The following MAF variants were observed in gnomAD, a reference collection of about 807,000 sequenced individuals.
MAF encodes MAF bZIP transcription factor, also known as transcription factor Maf.
MAF carries 10 observed loss-of-function variants against 22.0 expected under a neutral mutation model. That is an observed-to-expected ratio of 0.45 (90% CI 0.28 to 0.77). The LOEUF (loss-of-function observed/expected upper bound fraction) is 0.77. Among genes scored for constraint, MAF ranks in the 30% least tolerant of loss-of-function variants. The pLI, the probability that MAF is intolerant of heterozygous loss-of-function variation, is 0.12. For synonymous variants in MAF, 337 were observed against 255.8 expected (o/e 1.32, Z -3.03); for missense variants, 544 against 548.4 (o/e 0.99, Z 0.08).
the MAF span, among the ~76,000 whole-genome samples, chr16:79,227,895 G>C: frequency 6.6e-6 from 1 of 152,002 alleles, no homozygotes; most frequent in Non-Finnish European, 1.5e-5. Flanking sequence ...TGGAATCTGA[G>C]AATAATACCT....
the MAF span, among the ~76,000 whole-genome samples, chr16:79,544,394 G>C: frequency 1.3e-5 from 2 of 152,268 alleles, no homozygotes; most frequent in Admixed American, 1.3e-4. Flanking sequence ...TTACTGGACA[G>C]CACTGATGTA....
At chr16:79,224,580 A>G in the MAF span, among the ~76,000 whole-genome samples, 4 of 152,186 alleles carry the variant, frequency 2.6e-5, no homozygotes, top group African/African-American at 7.2e-5. Context: ...GTCTCTGTTT[A>G]CAGATGACAT....
At chr16:79,482,454 G>A in the MAF span, among the ~76,000 whole-genome samples, 8 of 152,280 alleles carry the variant, frequency 5.3e-5, 1 homozygote, top group African/African-American at 1.9e-4. Flanking sequence ...TGAGCTGGCT[G>A]CTGGATGCCA....
the MAF span, among the ~76,000 whole-genome samples, chr16:79,577,027 G>T: frequency 4.6e-5 from 7 of 151,936 alleles, no homozygotes; most frequent in African/African-American, 1.7e-4. Flanking sequence ...CACATTACAG[G>T]GTATTAACGA....
the MAF span, among the ~76,000 whole-genome samples, chr16:79,307,536 T>C: frequency 4.6e-5 from 7 of 152,340 alleles, no homozygotes; most frequent in East Asian, 3.9e-4. Context: ...TCCAATCACA[T>C]GCCCCCGACA....
chr16:79,251,632 A>G, the MAF span, among the ~76,000 whole-genome samples: 1 of 152,080 alleles, frequency 6.6e-6, no homozygotes. Context: ...TTAGGGACAT[A>G]TTTAGGAACA....
At chr16:79,567,742 A>T in the MAF span, among the ~76,000 whole-genome samples, 1 of 152,170 alleles carries the variant, frequency 6.6e-6, no homozygotes, top group Non-Finnish European at 1.5e-5. Context: ...CAATAAGTAA[A>T]TCCCATCTAC....
chr16:79,429,404 A>G, the MAF span, among the ~76,000 whole-genome samples: 3 of 152,034 alleles, frequency 2.0e-5, no homozygotes, highest in African/African-American at 4.8e-5. Flanking sequence ...TGCTTCATCT[A>G]CGCAGCGTTT....
At chr16:79,507,319 T>C in the MAF span, among the ~76,000 whole-genome samples, 2 of 151,686 alleles carry the variant, frequency 1.3e-5, no homozygotes, top group Admixed American at 6.6e-5. Context: ...GGTTTCATTG[T>C]GTCAGCGAGG....
chr16:79,349,802 C>T, the MAF span, among the ~76,000 whole-genome samples: 5 of 152,216 alleles, frequency 3.3e-5, no homozygotes, highest in East Asian at 7.7e-4. Flanking sequence ...AACCTAACTG[C>T]TTGCCTGTGC....
At chr16:79,484,223 C>T in the MAF span, among the ~76,000 whole-genome samples, 1 of 152,220 alleles carries the variant, frequency 6.6e-6, no homozygotes, top group Non-Finnish European at 1.5e-5. Flanking sequence ...CCGTCCAGGT[C>T]CCCTGAGAAT....
the MAF span, among the ~76,000 whole-genome samples, chr16:79,418,941 G>A: frequency 6.6e-6 from 1 of 152,170 alleles, no homozygotes; most frequent in African/African-American, 2.4e-5. Context: ...ACAGCCTGTG[G>A]TACCAGCAGC....
chr16:79,567,176 G>T, the MAF span, among the ~76,000 whole-genome samples: 1 of 152,146 alleles, frequency 6.6e-6, no homozygotes. Context: ...AAATTAGACA[G>T]GCATTGTGGC....
At chr16:79,485,837 C>T in the MAF span, among the ~76,000 whole-genome samples, 1 of 152,092 alleles carries the variant, frequency 6.6e-6, no homozygotes, top group South Asian at 2.1e-4. Context: ...CCAGGGGCGG[C>T]CAGCGGCTGG....
the MAF span, among the ~76,000 whole-genome samples, chr16:79,236,314 G>A: frequency 6.6e-6 from 1 of 151,836 alleles, no homozygotes; most frequent in African/African-American, 2.4e-5. Context: ...CCTCTACCTG[G>A]GGTCTCCTTT....
the MAF span, among the ~76,000 whole-genome samples, chr16:79,475,953 T>C: frequency 6.6e-6 from 1 of 152,126 alleles, no homozygotes; most frequent in Non-Finnish European, 1.5e-5. Context: ...TTACATTAGA[T>C]AGAAAAGGTG....
At chr16:79,404,565 G>T in the MAF span, among the ~76,000 whole-genome samples, 1 of 152,110 alleles carries the variant, frequency 6.6e-6, no homozygotes, top group African/African-American at 2.4e-5. Flanking sequence ...TTTACTTACC[G>T]CATGGGGTGC....
the MAF span, among the ~76,000 whole-genome samples, chr16:79,465,526 G>C: frequency 1.2e-4 from 18 of 152,134 alleles, no homozygotes; most frequent in African/African-American, 4.3e-4. Flanking sequence ...CCCAGAGGTG[G>C]AGTTGCAGTG....
the MAF span, among the ~76,000 whole-genome samples, chr16:79,352,101 C>G: frequency 2.0e-5 from 3 of 152,106 alleles, no homozygotes; most frequent in African/African-American, 7.2e-5. Context: ...GGGGAGATGG[C>G]ACCTGCTTGA....
Sources: gnomAD v4.1 joint callset for allele counts (sites outside exome capture counted in the v4.1 genomes callset) on GRCh38, gnomAD v4.1.1 for gene constraint, MANE v1.5 for transcripts, NCBI Gene and HGNC (gene_info 2026-07-23, HGNC 2026-07-21) for gene names.